EIF2D: variants seen among roughly 807,000 people sequenced by gnomAD.
The protein encoded by EIF2D is hepatocellular carcinoma-associated antigen 56.
A neutral mutation model predicts 77.4 loss-of-function variants in EIF2D; 56 were observed. The ratio of observed to expected loss-of-function variants is 0.72; its 90% CI spans 0.58 to 0.90. EIF2D has a LOEUF of 0.90. Ranked by LOEUF, EIF2D falls within the 40% of genes least tolerant of loss-of-function variation. The probability of loss-of-function intolerance (pLI) is 0.00; values close to 1 mark genes in which losing one functional copy is unlikely to be tolerated. For synonymous variants in EIF2D, 230 were observed against 271.0 expected (o/e 0.85, Z 1.49); for missense variants, 574 against 706.5 (o/e 0.81, Z 2.13).
chr1:206,582,641 C>A (rs1176839637), intron 2 of EIF2D, among the ~76,000 whole-genome samples: 1 of 152,204 alleles, frequency 6.6e-6, no homozygotes, highest in African/African-American at 2.4e-5. Context: ...TCATCCCTGC[C>A]AGTTCACTCG....
chr1:206,574,837 A>C (rs1553404877), intron 4 of EIF2D, among the ~76,000 whole-genome samples: 1 of 147,862 alleles, frequency 6.8e-6, no homozygotes, highest in Non-Finnish European at 1.5e-5. Flanking sequence ...TGAGACCATC[A>C]CAAAGGGACC....
chr1:206,597,389 G>A (rs554534144), intron 11 of EIF2D, among the ~76,000 whole-genome samples, 194 bp from the exon 12 acceptor site: 1 of 152,338 alleles, frequency 6.6e-6, no homozygotes, highest in East Asian at 1.9e-4. Context: ...AGCAGGAGGT[G>A]GAAGGGAAAG....
rs374536626 is a variant in EIF2D at position 206,591,895 on chromosome 1, C to T, written c.1685-50G>A. On this transcript the variant is annotated intron_variant, in intron 14 of 14. Coordinates refer to ENST00000271764, the MANE Select transcript of EIF2D (RefSeq NM_006893.3). ...CTCAGCGGAGCATGACCTTGCTCCCCGGCTGGCCCTCCACCAGTCCCCGTT... is the reference window on the plus strand; with the variant it reads ...CTCAGCGGAGCATGACCTTGCTCCCTGGCTGGCCCTCCACCAGTCCCCGTT... 9 of 1,594,428 alleles carry T rather than the reference C, an allele frequency of 5.6e-6. No individual in the cohort carries two copies. The East Asian group carries it at 6.7e-5, about 12-fold the overall frequency.
At chr1:206,609,487 T>C (rs782415475) in intron 2 of EIF2D, 28 bp from the exon 3 acceptor site, 5 of 1,586,446 alleles carry the variant, frequency 3.2e-6, no homozygotes, top group Non-Finnish European at 4.3e-6. Context: ...CAGAAAACAC[T>C]ACTACCAAAA....
intron 2 of EIF2D, 62 bp downstream of exon 2, chr1:206,611,122 A>G (rs1410551840): frequency 6.9e-7 from 1 of 1,457,780 alleles, no homozygotes; most frequent in South Asian, 1.3e-5. Flanking sequence ...AGAAACAGAG[A>G]GAAGCAGATG....
intron 13 of EIF2D, chr1:206,594,172 C>G (rs1553409618): frequency 6.5e-6 from 1 of 154,806 alleles, no homozygotes. Flanking sequence ...ATCTATACCC[C>G]TGTCTACTCC....
chr1:206,602,575 G>A, intron 6 of EIF2D, 122 bp from the exon 7 acceptor site: 2 of 848,114 alleles, frequency 2.4e-6, no homozygotes, highest in Non-Finnish European at 3.8e-6. Flanking sequence ...CCATTCCCAG[G>A]TACCAAAGCT....
In EIF2D at chr1:206,584,882, TCAGGAAAACCACA is replaced by T. The variant is rs1377371986; in HGVS notation, c.139-3733_139-3721del. 22 of 630,682 alleles carry T rather than the reference TCAGGAAAACCACA, an allele frequency of 3.5e-5. No homozygotes were observed. The highest frequency in any genetic ancestry group is 5.5e-5 in the African/African-American group (3 of 54,326). 39.1% of individuals were successfully genotyped at this position (630,682 alleles called of 1,614,324 possible). A position where few individuals can be genotyped will look rare whatever the true frequency, so the allele number is the denominator to read the frequency against. ...AGAGTCCCTGACTCTGCATGTGACTTCAGGAAAACCACACCCTAGGCTCCCATTTCCTGATCTG... is the reference window on the plus strand; with the variant it reads ...AGAGTCCCTGACTCTGCATGTGACTTCCCTAGGCTCCCATTTCCTGATCTG... On this transcript the variant is annotated intron_variant and NMD_transcript_variant, in intron 2 of 5. Coordinates refer to the EIF2D transcript ENST00000472709. This position sits in a 1 kb window ranked among gnomAD's most constrained non-coding sequence, Gnocchi z 4.9.
At position 206,602,428 on chromosome 1, in the gene EIF2D, T is replaced by A. The variant is rs782742515; in HGVS notation, c.810A>T (p.Gln270His). The A allele has an allele frequency of 1.2e-6, 2 of 1,614,116 alleles. No individual in the cohort carries two copies. The highest frequency in any genetic ancestry group is 3.3e-5 in the Admixed American group (2 of 60,012). Residue 270 changes from glutamine to histidine, a missense_variant, in exon 7 of 15, where the codon CAA becomes CAT. Transcript: ENST00000271764. ...GGCACTTCAAGGCATGTAAGAAGCATTGCTGTAACAGCTCATCCATTTGTT... is the reference window on the plus strand; with the variant it reads ...GGCACTTCAAGGCATGTAAGAAGCAATGCTGTAACAGCTCATCCATTTGTT... ...LQEQMDELLQ[Q>H]CFLHALKCRV...
chr1:206,574,733 GGTCTGTGGA>G (rs1383447865), intron 4 of EIF2D, among the ~76,000 whole-genome samples: 1 of 152,134 alleles, frequency 6.6e-6, no homozygotes, highest in Non-Finnish European at 1.5e-5. Flanking sequence ...TGCTGTGGTG[GGTCTGTGGA>G]GTCCATTTCA....
At chr1:206,589,668 T>G (rs1343473502), downstream of EIF2D, among the ~76,000 whole-genome samples, 1 of 152,218 alleles carries the variant, frequency 6.6e-6, no homozygotes, top group Non-Finnish European at 1.5e-5. Context: ...GGAATAGATC[T>G]TTAAAAGTTT....
At chr1:206,583,419 C>T in intron 2 of EIF2D, 2 of 1,406,830 alleles carry the variant, frequency 1.4e-6, no homozygotes, top group Non-Finnish European at 2.0e-6. Context: ...CCTGCTCCAC[C>T]ACCCGCTTCG....
At chr1:206,598,915 T>A in intron 11 of EIF2D, 88 bp downstream of exon 11, 5 of 1,327,880 alleles carry the variant, frequency 3.8e-6, no homozygotes, top group Non-Finnish European at 5.3e-6. Flanking sequence ...TTTTCTATTC[T>A]CCCTCCCAGA....
rs1471836900 is a variant in EIF2D, at chr1:206,579,182, G to A, written c.*254+1510C>T. Among the ~76,000 whole-genome samples the A allele has an allele frequency of 6.6e-6, 1 of 152,194 alleles. No homozygotes were observed. Among genetic ancestry groups the A allele is most frequent in the African/African-American group, 2.4e-5 (1 of 41,424 alleles). On this transcript the variant is annotated intron_variant and NMD_transcript_variant, in intron 4 of 5. Transcript: ENST00000472709. This position sits in a 1 kb window ranked among gnomAD's most constrained non-coding sequence, Gnocchi z 4.2. ...TTCACCAGTGCCCTGGACATGCCAAGTGCATTGGGAACAGCTCAGCCATCT... is the reference window on the plus strand; with the variant it reads ...TTCACCAGTGCCCTGGACATGCCAAATGCATTGGGAACAGCTCAGCCATCT...
At chr1:206,586,964 G>T, downstream of EIF2D, 1 of 1,614,068 alleles carries the variant, frequency 6.2e-7, no homozygotes, top group East Asian at 2.2e-5. Context: ...AGAATCCCAG[G>T]GCAAACCTGG....
chr1:206,587,067 C>T, downstream of EIF2D: 1 of 1,493,612 alleles, frequency 6.7e-7, no homozygotes, highest in Non-Finnish European at 9.1e-7. Flanking sequence ...CTCAGGACAT[C>T]TCTGGCAGGT....
intron 2 of EIF2D, 84 bp from the exon 3 acceptor site, chr1:206,609,543 T>G: frequency 9.2e-7 from 1 of 1,087,200 alleles, no homozygotes; most frequent in Non-Finnish European, 1.4e-6. Flanking sequence ...TATGGTCACT[T>G]TAATTAGAAT....
chr1:206,599,141 A>G lies in EIF2D; in HGVS notation c.1203-49T>C. The G allele has an allele frequency of 1.2e-5, 19 of 1,569,230 alleles. No individual in the cohort carries two copies. The highest frequency in any genetic ancestry group is 1.7e-5 in the Non-Finnish European group (19 of 1,141,636). The stretch of plus-strand genomic sequence containing the variant: ...GGGTTAGTTCATGCTGTGCCATGAG[A>G]CAAAAATGCAGATGCCCAGACTCAC... On this transcript the variant is annotated intron_variant, in intron 10 of 14. Coordinates refer to ENST00000271764, the MANE Select transcript of EIF2D (RefSeq NM_006893.3). The surrounding 1 kb of genome is among the most constrained non-coding windows in gnomAD (Gnocchi z 4.1).
At chr1:206,588,774 C>T (rs1201968903), downstream of EIF2D, 1 of 152,776 alleles carries the variant, frequency 6.5e-6, no homozygotes, top group Non-Finnish European at 1.5e-5. Context: ...AGCCTTATCA[C>T]TTCCCTCCCT....
Sources: allele counts gnomAD v4.1 joint callset (sites outside exome capture counted in the v4.1 genomes callset), GRCh38; gene constraint gnomAD v4.1.1; non-coding constraint Gnocchi (gnomAD v3.1); transcripts MANE v1.5; gene names NCBI Gene and HGNC (gene_info 2026-07-23, HGNC 2026-07-21).